Variants in ACOT1 observed in about 807,000 individuals in gnomAD.
ACOT1 encodes the protein acyl-coenzyme A thioesterase 1.
A neutral mutation model predicts 15.7 loss-of-function variants in ACOT1; 8 were observed. That is an observed-to-expected ratio of 0.51 (90% CI 0.30 to 0.92). ACOT1 has a LOEUF of 0.92. Ranked by LOEUF, ACOT1 falls within the 40% of genes least tolerant of loss-of-function variation. ACOT1 has a pLI of 0.06. For synonymous variants in ACOT1, 67 were observed against 241.2 expected, an observed-to-expected ratio of 0.28 and a Z score of 6.69; for missense variants, 151 against 539.4, an observed-to-expected ratio of 0.28 and a Z score of 7.13.
rs796388271 is a variant in ACOT1 at position 73,539,932 on chromosome 14, T to TC, written c.458-1559dup. Among the ~76,000 whole-genome samples the TC allele has an allele frequency of 1.2e-4, 14 of 116,464 alleles. 3 individuals carry two copies. The highest frequency in any genetic ancestry group is 3.9e-4 in the African/African-American group (14 of 35,778). 76.4% of individuals were successfully genotyped at this position (116,464 alleles called of 152,430 possible). ...TAGCATTTACAATAGGAAAGCCTCTTCCTGTCAAATGGAAATTTGAGGTTA... is the reference window on the plus strand; with the variant it reads ...TAGCATTTACAATAGGAAAGCCTCTTCCCTGTCAAATGGAAATTTGAGGTTA... On this transcript the variant is annotated intron_variant, in intron 1 of 2. Coordinates refer to ENST00000311148, the MANE Select transcript of ACOT1 (RefSeq NM_001037161.2).
At chr14:73,496,331 G>A in the ACOT1 span, among the ~76,000 whole-genome samples, 1 of 152,220 alleles carries the variant, frequency 6.6e-6, no homozygotes, top group South Asian at 2.1e-4. Flanking sequence ...AAAATAGGAA[G>A]GGAGGGAAAT....
the ACOT1 span, chr14:73,518,946 A>T: frequency 6.9e-7 from 1 of 1,456,814 alleles, no homozygotes; most frequent in Admixed American, 1.9e-5. Flanking sequence ...GCTCTAGCAC[A>T]TGAATAGTGG....
At chr14:73,503,134 G>GT in the ACOT1 span, 1 of 777,222 alleles carries the variant, frequency 1.3e-6, no homozygotes, top group Non-Finnish European at 2.1e-6. Flanking sequence ...TGTCCTGAGT[G>GT]TTTTTTCCCA....
At chr14:73,491,391 C>T in the ACOT1 span, 2 of 1,351,522 alleles carry the variant, frequency 1.5e-6, no homozygotes, top group Non-Finnish European at 1.9e-6. Flanking sequence ...CTGGTGCCCG[C>T]TTCCGCGCCG....
the ACOT1 span, among the ~76,000 whole-genome samples, chr14:73,525,883 G>A: frequency 6.6e-6 from 1 of 151,662 alleles, no homozygotes; most frequent in Non-Finnish European, 1.5e-5. Flanking sequence ...AACCTGGGAA[G>A]CAGAGGTTGC....
At chr14:73,493,242 TG>T in the ACOT1 span, 5 of 798,480 alleles carry the variant, frequency 6.3e-6, no homozygotes, top group Non-Finnish European at 1.0e-5. Context: ...ACACTGACCA[TG>T]TCGTTCTGCT....
the ACOT1 span, among the ~76,000 whole-genome samples, chr14:73,504,305 C>T: frequency 1.3e-5 from 2 of 151,100 alleles, no homozygotes; most frequent in African/African-American, 2.4e-5. Flanking sequence ...CGCAGTGGTG[C>T]GATCTCAACT....
chr14:73,524,306 A>ATAT, the ACOT1 span, among the ~76,000 whole-genome samples: 154 of 90,888 alleles, frequency 1.7e-3, no homozygotes, highest in Middle Eastern at 6.3e-3. Context: ...AAAAAAAAAA[A>ATAT]AAAAATATAT....
At chr14:73,517,811 G>A in the ACOT1 span, among the ~76,000 whole-genome samples, 12 of 151,982 alleles carry the variant, frequency 7.9e-5, no homozygotes, top group East Asian at 2.3e-3. Context: ...AAAAGAGGCT[G>A]GACACGGTGG....
At chr14:73,535,473 T>C (rs8006953), upstream of ACOT1, among the ~76,000 whole-genome samples, 12 of 10,574 alleles carry the variant, frequency 1.1e-3, 1 homozygote, top group Admixed American at 2.4e-3. Context: ...TTCTTTCTTT[T>C]TTTTTTTTTT....
chr14:73,511,860 A>G, the ACOT1 span: 1 of 810,124 alleles, frequency 1.2e-6, no homozygotes, highest in East Asian at 2.5e-5. Context: ...TATTGCTGAT[A>G]AGCATGTATA....
the ACOT1 span, chr14:73,522,152 T>G: frequency 2.9e-6 from 3 of 1,022,164 alleles, no homozygotes; most frequent in Non-Finnish European, 4.4e-6. Flanking sequence ...AGGCCGGTGG[T>G]GGAGAACATG....
the ACOT1 span, chr14:73,491,296 G>C: frequency 6.5e-7 from 1 of 1,543,966 alleles, no homozygotes; most frequent in Non-Finnish European, 8.7e-7. Flanking sequence ...ACGCAGCCCG[G>C]CGAGAGCCAT....
At chr14:73,491,332 G>A in the ACOT1 span, 1 of 1,468,070 alleles carries the variant, frequency 6.8e-7, no homozygotes, top group Non-Finnish European at 9.0e-7. Context: ...CCGCAGAGCT[G>A]CTGGAGGCCT....
the ACOT1 span, among the ~76,000 whole-genome samples, chr14:73,496,911 A>G: frequency 6.6e-6 from 1 of 152,184 alleles, no homozygotes; most frequent in Non-Finnish European, 1.5e-5. Context: ...TTTTTGCGAG[A>G]TGGAGTCTTG....
Position 73,537,831 on chromosome 14 carries a change from A to G in ACOT1, c.410A>G (p.Glu137Gly). 1 of 1,209,890 alleles carries G rather than the reference A, an allele frequency of 8.3e-7. No homozygotes were observed. Among genetic ancestry groups the G allele is most frequent in the Non-Finnish European group, 1.1e-6 (1 of 923,378 alleles). The allele number at this position is 1,209,890 out of a possible 1,614,324, so 74.9% of individuals were successfully genotyped here. Residue 137 changes from glutamate to glycine, a missense_variant, in exon 1 of 3, where the codon GAG (glutamate) becomes GGG (glycine). Glu to Gly is a moderately conservative substitution (Grantham distance 98). Coordinates refer to ENST00000311148, the MANE Select transcript of ACOT1 (RefSeq NM_001037161.2). ...RYFLPPGVRR[E>G]PVRAGRVRGT... ...TTCCTCCCGCCCGGGGTGCGGCGCGAGCCGGTGCGCGCGGGCCGGGTGCGA... is the reference window on the plus strand; with the variant it reads ...TTCCTCCCGCCCGGGGTGCGGCGCGGGCCGGTGCGCGCGGGCCGGGTGCGA...
chr14:73,493,824 C>G, the ACOT1 span, among the ~76,000 whole-genome samples: 1 of 152,138 alleles, frequency 6.6e-6, no homozygotes, highest in Admixed American at 6.6e-5. Context: ...GGCAACAGAG[C>G]GAGACTCCGT....
intron 1 of ACOT1, among the ~76,000 whole-genome samples, chr14:73,540,056 A>G (rs1356935361): frequency 8.3e-6 from 1 of 119,924 alleles, no homozygotes; most frequent in African/African-American, 2.7e-5. Context: ...ACAACAGAGT[A>G]CATTTCACAC....
the ACOT1 span, chr14:73,500,608 G>C: frequency 2.5e-6 from 4 of 1,614,142 alleles, no homozygotes; most frequent in Admixed American, 5.0e-5. Context: ...CCGAACTGCT[G>C]TGAAGTCATC....
Sources: allele counts gnomAD v4.1 joint callset (sites outside exome capture counted in the v4.1 genomes callset), GRCh38; gene constraint gnomAD v4.1.1; transcripts MANE v1.5; gene names NCBI Gene and HGNC (gene_info 2026-07-23, HGNC 2026-07-21).